FA2H: variants seen among roughly 807,000 people sequenced by gnomAD.
The protein encoded by FA2H is fatty acid alpha-hydroxylase.
FA2H carries 22 observed loss-of-function variants against 44.9 expected under a neutral mutation model. The observed-to-expected ratio is 0.49, with a 90% CI of 0.35 to 0.70. FA2H has a LOEUF of 0.70. FA2H is among the 30% of genes least tolerant of loss of function. FA2H has a pLI of 0.01. For synonymous variants in FA2H, 243 were observed against 213.2 expected (o/e 1.14, Z -1.22); for missense variants, 501 against 504.9 (o/e 0.99, Z 0.07).
At chr16:74,721,191 G>C (rs1040982596) in intron 4 of FA2H, among the ~76,000 whole-genome samples, 4 of 151,874 alleles carry the variant, frequency 2.6e-5, no homozygotes, top group Non-Finnish European at 5.9e-5. Context: ...TTGTGAGGCA[G>C]AGTTTCGCTC....
intron 1 of FA2H, among the ~76,000 whole-genome samples, chr16:74,767,015 A>T (rs1488447632): frequency 6.9e-6 from 1 of 145,884 alleles, no homozygotes; most frequent in Non-Finnish European, 1.5e-5. Context: ...TACCTAGGTT[A>T]AAAAAAAAAA....
At chr16:74,721,173 T>TC (rs1961828431) in intron 4 of FA2H, among the ~76,000 whole-genome samples, 2 of 148,658 alleles carry the variant, frequency 1.3e-5, no homozygotes, top group African/African-American at 4.9e-5. Context: ...TCTCTCTCTC[T>TC]TTTTTTTTTG....
Position 74,774,549 on chromosome 16 carries a change from G to A in FA2H, c.207C>T (p.His69=). The part of the protein sequence containing the change: ...SADLDGPPHR[H]SANARRWLEQ... ...CCAGCCAGCGGCGCGCGTTGGCCGA[G>A]TGCCTGTGCGGCGGCCCGTCCAGGT... is the stretch of plus-strand genomic sequence containing the variant. The change falls in exon 1 of 7, where the codon CAC becomes CAT. Residue 69 remains histidine, a synonymous_variant. Transcript: ENST00000219368. 1 of 1,546,822 alleles carries A rather than the reference G, an allele frequency of 6.5e-7. No individual in the cohort carries two copies. Among genetic ancestry groups the A allele is most frequent in the Non-Finnish European group, 8.6e-7 (1 of 1,157,112 alleles).
At chr16:74,756,429 T>C (rs1407130798) in intron 1 of FA2H, among the ~76,000 whole-genome samples, 1 of 152,092 alleles carries the variant, frequency 6.6e-6, no homozygotes, top group Non-Finnish European at 1.5e-5. Flanking sequence ...CCAAAGTGGC[T>C]TCTTATCTGC....
intron 1 of FA2H, among the ~76,000 whole-genome samples, chr16:74,771,818 A>G (rs1460041287): frequency 1.3e-5 from 2 of 152,082 alleles, no homozygotes; most frequent in Non-Finnish European, 2.9e-5. Context: ...AGTGGCAGCC[A>G]TGCAGCAGCA....
chr16:74,755,666 G>A (rs1356435148), intron 1 of FA2H, among the ~76,000 whole-genome samples: 3 of 152,050 alleles, frequency 2.0e-5, no homozygotes, highest in African/African-American at 7.2e-5. Flanking sequence ...CAGCAAACTG[G>A]GAGAATCTCA....
intron 1 of FA2H, among the ~76,000 whole-genome samples, chr16:74,768,517 C>G (rs554392088): frequency 1.3e-5 from 2 of 152,340 alleles, no homozygotes; most frequent in East Asian, 3.9e-4. Flanking sequence ...TGGGATGCCC[C>G]CTTAGAGGCC....
At position 74,774,560 on chromosome 16, in the gene FA2H, G is replaced by A. The variant is rs1467977455; in HGVS notation, c.196C>T (p.Pro66Ser). Residue 66 changes from proline to serine, a missense_variant, in exon 1 of 7, where the codon CCG becomes TCG. Physicochemically the swap from Pro to Ser is moderately conservative, Grantham distance 74. Coordinates refer to ENST00000219368, the MANE Select transcript of FA2H (RefSeq NM_024306.5). ...QDISADLDGP[P>S]HRHSANARRW... ...CGCGCGTTGGCCGAGTGCCTGTGCG[G>A]CGGCCCGTCCAGGTCGGCGCTGATG... is the stretch of plus-strand genomic sequence containing the variant. 1.3e-6 allele frequency: 2 copies of A among 1,544,344 alleles called. No individual in the cohort carries two copies. The highest frequency in any genetic ancestry group is 2.8e-5 in the African/African-American group (2 of 71,802).
intron 4 of FA2H, among the ~76,000 whole-genome samples, chr16:74,724,905 A>G (rs1355431314): frequency 6.6e-6 from 1 of 152,048 alleles, no homozygotes; most frequent in East Asian, 1.9e-4. Context: ...GCATCTCTGG[A>G]GGAATCCGGC....
intron 1 of FA2H, among the ~76,000 whole-genome samples, chr16:74,763,231 G>T (rs190347817): frequency 3.9e-5 from 6 of 152,216 alleles, no homozygotes; most frequent in Admixed American, 3.9e-4. Flanking sequence ...ACCTAAGTGG[G>T]TTATTATAAG....
chr16:74,756,919 C>T (rs1031058128), intron 1 of FA2H, among the ~76,000 whole-genome samples: 1 of 151,120 alleles, frequency 6.6e-6, no homozygotes, highest in Admixed American at 6.6e-5. Flanking sequence ...ACTAAGCATA[C>T]AATTATTAGT....
chr16:74,742,241 GAAGCT>G (rs1437839328), intron 1 of FA2H, among the ~76,000 whole-genome samples: 7 of 152,192 alleles, frequency 4.6e-5, no homozygotes, highest in Non-Finnish European at 1.0e-4. Context: ...GCGAAGCCCT[GAAGCT>G]CTGCAGGACT....
At chr16:74,760,244 C>A (rs1962683319) in intron 1 of FA2H, among the ~76,000 whole-genome samples, 1 of 152,164 alleles carries the variant, frequency 6.6e-6, no homozygotes, top group Admixed American at 6.6e-5. Flanking sequence ...GACACCAGGC[C>A]CCCGAGGGAG....
At chr16:74,769,898 C>T (rs189604167) in intron 1 of FA2H, among the ~76,000 whole-genome samples, 53 of 152,294 alleles carry the variant, frequency 3.5e-4, no homozygotes, top group South Asian at 6.2e-4. Flanking sequence ...TGTCCAAGGC[C>T]GTGGCAGGCA....
At chr16:74,741,830 GTGTGTGTATGTGTGTGTATGTGTGTA>G (rs1567643244) in intron 1 of FA2H, among the ~76,000 whole-genome samples, 1 of 119,800 alleles carries the variant, frequency 8.3e-6, no homozygotes, top group East Asian at 2.4e-4. Context: ...GTGTGTGTGT[GTGTGTGTATGTGTGTGTATGTGTGTA>G]TGTGTGTGTG....
intron 2 of FA2H, among the ~76,000 whole-genome samples, chr16:74,730,881 A>T (rs1425279610): frequency 1.3e-5 from 2 of 152,178 alleles, no homozygotes; most frequent in African/African-American, 2.4e-5. Context: ...GAGGCTGAGT[A>T]ATCTGCCCAA....
Position 74,716,543 on chromosome 16 carries a change from G to C in FA2H, c.843C>G (p.Ile281Met). ...VFPPVPASLV[I>M]GVFYLCMQLI... ...GCTGCATGCACAAGTAGAAGACGCC[G>C]ATCACCAGGGAGGCTGGCACAGGGG... Residue 281 changes from isoleucine (I) to methionine (M), a missense_variant, in exon 6 of 7, where the codon ATC becomes ATG. Physicochemically the swap from Ile to Met is conservative, Grantham distance 10 (BLOSUM62 1). Coordinates refer to ENST00000219368, the MANE Select transcript of FA2H (RefSeq NM_024306.5). 1 of 1,606,892 alleles carries C rather than the reference G, an allele frequency of 6.2e-7. No individual in the cohort carries two copies. Among genetic ancestry groups the C allele is most frequent in the Non-Finnish European group, 8.5e-7 (1 of 1,176,930 alleles).
rs1268722908 is a variant in FA2H, at chr16:74,774,626, G to A, written c.130C>T (p.Pro44Ser). 2 of 1,516,280 alleles carry A rather than the reference G, an allele frequency of 1.3e-6. No individual in the cohort carries two copies. The highest frequency in any genetic ancestry group is 1.4e-5 in the African/African-American group (1 of 70,420). 93.9% of individuals were successfully genotyped at this position (1,516,280 alleles called of 1,614,324 possible). A position where few individuals can be genotyped will look rare whatever the true frequency, so the allele number is the denominator to read the frequency against. ...GCCCGCAGCAGCTGCTCGCCCCCCG[G>A]GTGGTGCCGCACGAAGCTGGAGAGG... is the stretch of plus-strand genomic sequence containing the variant. The part of the protein sequence containing the change: ...YDLSSFVRHH[P>S]GGEQLLRARA... Residue 44 changes from proline (P) to serine (S), a missense_variant, in exon 1 of 7, where the codon CCG becomes TCG. By Grantham distance (74) the Pro-to-Ser change is moderately conservative. Transcript: ENST00000219368.
chr16:74,723,703 G>C (rs929897371), intron 4 of FA2H, among the ~76,000 whole-genome samples: 2 of 152,106 alleles, frequency 1.3e-5, no homozygotes, highest in Non-Finnish European at 2.9e-5. Flanking sequence ...GGGTCCATAA[G>C]GTCATTCCGG....
Sources: allele counts gnomAD v4.1 joint callset (sites outside exome capture counted in the v4.1 genomes callset), GRCh38; gene constraint gnomAD v4.1.1; transcripts MANE v1.5; gene names NCBI Gene and HGNC (gene_info 2026-07-23, HGNC 2026-07-21).